The following BSX variants were observed in gnomAD, a reference collection of about 807,000 sequenced individuals.
BSX encodes brain-specific homeobox protein homolog.
In BSX, 12 loss-of-function variants were observed where a neutral mutation model predicts 16.9. The observed-to-expected ratio is 0.71, with a 90% CI of 0.46 to 1.15. The LOEUF (loss-of-function observed/expected upper bound fraction) is 1.15, where lower values mean the gene tolerates loss of function less well. BSX is among the 50% of genes most tolerant of loss of function. BSX has a pLI of 0.00. For synonymous variants in BSX, 160 were observed against 136.4 expected, an observed-to-expected ratio of 1.17 and a Z score of -1.20; for missense variants, 292 against 311.8, an observed-to-expected ratio of 0.94 and a Z score of 0.48.
At position 122,979,253 on chromosome 11, in the gene BSX, C is replaced by A; in HGVS notation, c.459+8G>T. On this transcript the variant is annotated splice_region_variant and intron_variant, in intron 2 of 2. Transcript: ENST00000343035. ...CAGAGATCAGGGCCTCCCTCTCCTC[C>A]CGCCCACCTGCGTCTCGGACAGGCT... The A allele has an allele frequency of 6.2e-7, 1 of 1,607,318 alleles. No individual in the cohort carries two copies. The highest frequency in any genetic ancestry group is 1.1e-5 in the South Asian group (1 of 90,576).
chr11:122,979,569 C>T (rs1210341840), intron 1 of BSX, 112 bp from the exon 2 acceptor site: 6 of 852,500 alleles, frequency 7.0e-6, no homozygotes, highest in African/African-American at 3.4e-5. Flanking sequence ...CCCCTCGCCT[C>T]CGTCAGTCTG....
In BSX at chr11:122,977,982, T is replaced by G; in HGVS notation, c.460-91A>C. 6.6e-7 allele frequency: 1 copy of G among 1,506,640 alleles called. No homozygotes were observed. The highest frequency in any genetic ancestry group is 1.4e-5 in the African/African-American group (1 of 72,444). The allele number at this position is 1,506,640 out of a possible 1,614,324, so 93.3% of individuals were successfully genotyped here. On this transcript the variant is annotated intron_variant, in intron 2 of 2. Coordinates refer to ENST00000343035, the MANE Select transcript of BSX (RefSeq NM_001098169.2). This position sits in a 1 kb window ranked among gnomAD's most constrained non-coding sequence, Gnocchi z 4.5. ...AGGAAAATGGGCTGCAGTCCGTTGATGAAGTATCCAAGAGCGGTGATAGCC... is the reference window on the plus strand; with the variant it reads ...AGGAAAATGGGCTGCAGTCCGTTGAGGAAGTATCCAAGAGCGGTGATAGCC...
Position 122,981,805 on chromosome 11 carries a change from C to T in BSX, c.-134G>A. Reference sequence around the variant, plus strand: ...TCCGCTGCTCTCTCCCGGGCCTGGGCTACCCCGGGCGCTGGAGAGGCAAGA... The same window carrying T: ...TCCGCTGCTCTCTCCCGGGCCTGGGTTACCCCGGGCGCTGGAGAGGCAAGA... On this transcript the variant is annotated 5_prime_UTR_variant, in exon 1 of 3. Coordinates refer to ENST00000343035, the MANE Select transcript of BSX (RefSeq NM_001098169.2). 1.1e-6 allele frequency: 1 copy of T among 939,412 alleles called. No individual in the cohort carries two copies. Among genetic ancestry groups the T allele is most frequent in the Non-Finnish European group, 1.5e-6 (1 of 650,314 alleles). The allele number at this position is 939,412 out of a possible 1,614,324, so 58.2% of individuals were successfully genotyped here.
chr11:122,978,851 G>T (rs1013447851), intron 2 of BSX, among the ~76,000 whole-genome samples: 4 of 117,716 alleles, frequency 3.4e-5, no homozygotes, highest in Admixed American at 2.5e-4. Context: ...TGTCGCCCAC[G>T]CTGGAGTGCA....
Position 122,981,747 on chromosome 11 carries a change from G to C in BSX, c.-76C>G, listed in dbSNP as rs1051535786. 9 of 1,416,194 alleles carry C rather than the reference G, an allele frequency of 6.4e-6. No individual in the cohort carries two copies. The highest frequency in any genetic ancestry group is 8.5e-6 in the Non-Finnish European group (9 of 1,064,792). The allele number at this position is 1,416,194 out of a possible 1,614,324, so 87.7% of individuals were successfully genotyped here. A position where few individuals can be genotyped will look rare whatever the true frequency, so the allele number is the denominator to read the frequency against. ...GCAGGCAGAGTCTCCAAGCCTGCTC[G>C]AAAGCCGGCAACCACCCTCCGAGGC... On this transcript the variant is annotated 5_prime_UTR_variant, in exon 1 of 3. Coordinates refer to ENST00000343035, the MANE Select transcript of BSX (RefSeq NM_001098169.2).
In BSX at chr11:122,981,679, G is replaced by A. The variant is rs767460284; in HGVS notation, c.-8C>T. On this transcript the variant is annotated 5_prime_UTR_variant, in exon 1 of 3. Transcript: ENST00000343035. ...GGTGAAGTTGAGATTCATCTTGAGC[G>A]GAGCACCTGCCACAGGACAAGGGCC... 24 of 1,557,982 alleles carry A rather than the reference G, an allele frequency of 1.5e-5. No individual in the cohort carries two copies. In the South Asian group the frequency reaches 2.7e-4, roughly 17 times the overall value.
Position 122,977,978 on chromosome 11 carries a change from T to C in BSX, c.460-87A>G. The C allele has an allele frequency of 6.6e-7, 1 of 1,519,268 alleles. No individual in the cohort carries two copies. The highest frequency in any genetic ancestry group is 9.0e-7 in the Non-Finnish European group (1 of 1,109,684). The allele number at this position is 1,519,268 out of a possible 1,614,324, so 94.1% of individuals were successfully genotyped here. A position where few individuals can be genotyped will look rare whatever the true frequency, so the allele number is the denominator to read the frequency against. ...GTTTAGGAAAATGGGCTGCAGTCCG[T>C]TGATGAAGTATCCAAGAGCGGTGAT... On this transcript the variant is annotated intron_variant, in intron 2 of 2. Coordinates refer to ENST00000343035, the MANE Select transcript of BSX (RefSeq NM_001098169.2). The surrounding 1 kb of genome is among the most constrained non-coding windows in gnomAD (Gnocchi z 4.5).
chr11:122,981,366 C>A, intron 1 of BSX, 44 bp downstream of exon 1: 3 of 1,468,428 alleles, frequency 2.0e-6, no homozygotes, highest in Non-Finnish European at 9.1e-7. Flanking sequence ...GTGCTAGAAG[C>A]CCTGCTCTCT....
chr11:122,980,071 G>T (rs147246205), intron 1 of BSX, among the ~76,000 whole-genome samples: 32 of 152,288 alleles, frequency 2.1e-4, no homozygotes, highest in African/African-American at 7.7e-4. Context: ...AGCATTTCTC[G>T]CCTCTCACGT....
chr11:122,978,686 T>A (rs1864527301), intron 2 of BSX, among the ~76,000 whole-genome samples: 1 of 151,936 alleles, frequency 6.6e-6, no homozygotes, highest in African/African-American at 2.4e-5. Context: ...GTCGTCAGAA[T>A]TACCTGAGGA....
chr11:122,979,292 A>G lies in BSX; in HGVS notation c.428T>C (p.Leu143Pro). 1 of 1,613,944 alleles carries G rather than the reference A, an allele frequency of 6.2e-7. No individual in the cohort carries two copies. The highest frequency in any genetic ancestry group is 8.5e-7 in the Non-Finnish European group (1 of 1,179,868). The change falls in exon 2 of 3, where the codon CTG becomes CCG. Residue 143 changes from leucine (L) to proline (P), a missense_variant. Around this residue, in one of 3 missense-constraint regions of BSX, gnomAD observed 176 missense variants for 187.2 expected, o/e 0.94. Coordinates refer to ENST00000343035, the MANE Select transcript of BSX (RefSeq NM_001098169.2). ...CTCGGACAGGCTGAGGGCCGTGGCC[A>G]GCTCCACTCGTTCTGGCGTGGACAG... ...RYLSTPERVE[L>P]ATALSLSETQ...
At chr11:122,980,973 CAG>C (rs1864561262) in intron 1 of BSX, among the ~76,000 whole-genome samples, 1 of 152,114 alleles carries the variant, frequency 6.6e-6, no homozygotes, top group Non-Finnish European at 1.5e-5. Context: ...CTGGCCTGGA[CAG>C]AGTGTTTTGA....
In BSX at chr11:122,981,452, G is replaced by C; in HGVS notation, c.220C>G (p.His74Asp). ...LLAPHAHHPL[H>D]KGDHHHPYFL... ...TAAGGATGATGGTGGTCTCCCTTAT[G>C]CAGAGGGTGATGGGCGTGAGGAGCC... Residue 74 changes from histidine to aspartate, a missense_variant, in exon 1 of 3, where the codon CAT becomes GAT. His to Asp is a moderately conservative substitution (Grantham distance 81, BLOSUM62 -1). Transcript: ENST00000343035. 6.4e-7 allele frequency: 1 copy of C among 1,570,310 alleles called. No homozygotes were observed. The highest frequency in any genetic ancestry group is 8.6e-7 in the Non-Finnish European group (1 of 1,156,868).
At position 122,981,762 on chromosome 11, in the gene BSX, C is replaced by T; in HGVS notation, c.-91G>A. 7.6e-7 allele frequency: 1 copy of T among 1,319,568 alleles called. No homozygotes were observed. Among genetic ancestry groups the T allele is most frequent in the East Asian group, 2.5e-5 (1 of 39,436 alleles). 81.7% of individuals were successfully genotyped at this position (1,319,568 alleles called of 1,614,324 possible). ...AAGCCTGCTCGAAAGCCGGCAACCACCCTCCGAGGCTCGAATCTCCGCTGC... is the reference window on the plus strand; with the variant it reads ...AAGCCTGCTCGAAAGCCGGCAACCATCCTCCGAGGCTCGAATCTCCGCTGC... On this transcript the variant is annotated 5_prime_UTR_variant, in exon 1 of 3. In the 5' UTR this introduces an upstream ATG that the reference lacks. Coordinates refer to ENST00000343035, the MANE Select transcript of BSX (RefSeq NM_001098169.2).
At position 122,977,640 on chromosome 11, in the gene BSX, C is replaced by A. The variant is rs755470767; in HGVS notation, c.*9G>T. ...CTCCCCTGCCTACTACCCTCCCCAG[C>A]CTGGCGGCTCAGAGCACGTGCGGCC... On this transcript the variant is annotated 3_prime_UTR_variant, in exon 3 of 3. Transcript: ENST00000343035. This position sits in a 1 kb window ranked among gnomAD's most constrained non-coding sequence, Gnocchi z 4.5. The A allele has an allele frequency of 1.2e-6, 2 of 1,605,200 alleles. No homozygotes were observed. Among genetic ancestry groups the A allele is most frequent in the Non-Finnish European group, 1.7e-6 (2 of 1,179,494 alleles).
Position 122,977,606 on chromosome 11 carries a change from C to T in BSX, c.*43G>A. 1 of 1,571,866 alleles carries T rather than the reference C, an allele frequency of 6.4e-7. No individual in the cohort carries two copies. Among genetic ancestry groups the T allele is most frequent in the East Asian group, 2.2e-5 (1 of 44,638 alleles). On this transcript the variant is annotated 3_prime_UTR_variant, in exon 3 of 3. Coordinates refer to ENST00000343035, the MANE Select transcript of BSX (RefSeq NM_001098169.2). The surrounding 1 kb of genome is among the most constrained non-coding windows in gnomAD (Gnocchi z 4.5). ...TCCAGGAGGGAACCGCGCTCGGCCCCGCAGTCTCCTCCCCTGCCTACTACC... is the reference window on the plus strand; with the variant it reads ...TCCAGGAGGGAACCGCGCTCGGCCCTGCAGTCTCCTCCCCTGCCTACTACC...
At position 122,977,756 on chromosome 11, in the gene BSX, C is replaced by G; in HGVS notation, c.595G>C (p.Glu199Gln). ...CCGGCGGGCAGGCTCAGCCGAGCCT[C>G]GGCGGCGGTGGCGGCCTCTGAACCG... ...PRGSEAATAA[E>Q]ARLSLPAGPF... The change falls in exon 3 of 3, where the codon GAG (glutamate) becomes CAG (glutamine). Residue 199 changes from glutamate to glutamine, a missense_variant. Physicochemically the swap from Glu to Gln is conservative, Grantham distance 29 (BLOSUM62 2). Transcript: ENST00000343035. The surrounding 1 kb of genome is among the most constrained non-coding windows in gnomAD (Gnocchi z 4.5). The G allele has an allele frequency of 6.2e-7, 1 of 1,612,384 alleles. No homozygotes were observed. The highest frequency in any genetic ancestry group is 8.5e-7 in the Non-Finnish European group (1 of 1,179,556).
rs531767309 is a variant in BSX at position 122,977,603 on chromosome 11, C to T, written c.*46G>A. On this transcript the variant is annotated 3_prime_UTR_variant, in exon 3 of 3. Coordinates refer to ENST00000343035, the MANE Select transcript of BSX (RefSeq NM_001098169.2). The surrounding 1 kb of genome is among the most constrained non-coding windows in gnomAD (Gnocchi z 4.5). ...CGGTCCAGGAGGGAACCGCGCTCGG[C>T]CCCGCAGTCTCCTCCCCTGCCTACT... is the stretch of plus-strand genomic sequence containing the variant. 1.7e-3 allele frequency: 2,607 copies of T among 1,567,080 alleles called. 49 individuals are homozygous for T. In the South Asian group the frequency reaches 0.029, roughly 17 times the overall value.
chr11:122,981,574 A>G lies in BSX; in HGVS notation c.98T>C (p.Leu33Pro). The part of the protein sequence containing the change: ...EDILLHKPKP[L>P]REVAPDHFAS... ...GAAATGGTCTGGGGCCACCTCTCTCAGCGGCTTGGGCTTGTGCAGCAGGAT... is the reference window on the plus strand; with the variant it reads ...GAAATGGTCTGGGGCCACCTCTCTCGGCGGCTTGGGCTTGTGCAGCAGGAT... The change falls in exon 1 of 3, where the codon CTG becomes CCG. Residue 33 changes from leucine (L) to proline (P), a missense_variant. Coordinates refer to ENST00000343035, the MANE Select transcript of BSX (RefSeq NM_001098169.2). 1 of 1,600,406 alleles carries G rather than the reference A, an allele frequency of 6.2e-7. No homozygotes were observed. The highest frequency in any genetic ancestry group is 8.5e-7 in the Non-Finnish European group (1 of 1,173,608).
Sources: gnomAD v4.1 joint callset for allele counts (sites outside exome capture counted in the v4.1 genomes callset) on GRCh38, gnomAD v4.1.1 for gene constraint, gnomAD v4.1.1 regional missense constraint, Gnocchi (gnomAD v3.1) non-coding constraint, MANE v1.5 for transcripts, NCBI Gene and HGNC (gene_info 2026-07-23, HGNC 2026-07-21) for gene names.